FNDC3B: variants seen among roughly 807,000 people sequenced by gnomAD.
FNDC3B encodes fibronectin type III domain containing 3B.
Under a neutral mutation model 151.5 loss-of-function variants are expected in FNDC3B, and 12 were observed. The ratio of observed to expected loss-of-function variants is 0.08; its 90% CI spans 0.05 to 0.13. The LOEUF (loss-of-function observed/expected upper bound fraction) is 0.13. Among genes scored for constraint, FNDC3B ranks in the 10% least tolerant of loss-of-function variants. The probability of loss-of-function intolerance (pLI) is 1.00; values close to 1 mark genes in which losing one functional copy is unlikely to be tolerated. For missense variants in FNDC3B, 1,214 were observed against 1,505.3 expected, an observed-to-expected ratio of 0.81 and a Z score of 3.20; for synonymous variants, 528 against 549.0, an observed-to-expected ratio of 0.96 and a Z score of 0.54.
chr3:172,072,450 G>A (rs1184553352), intron 1 of FNDC3B, among the ~76,000 whole-genome samples: 1 of 151,886 alleles, frequency 6.6e-6, no homozygotes, highest in African/African-American at 2.4e-5. Context: ...GTTAATAAAG[G>A]TGAAATTTTT....
At chr3:172,378,033 A>G (rs1237371808) in intron 23 of FNDC3B, among the ~76,000 whole-genome samples, 1 of 152,200 alleles carries the variant, frequency 6.6e-6, no homozygotes, top group African/African-American at 2.4e-5. Flanking sequence ...CTAGATCCTA[A>G]TTAAAGGAGT....
chr3:172,104,168 CT>C (rs1192714447), intron 1 of FNDC3B, among the ~76,000 whole-genome samples: 1 of 151,992 alleles, frequency 6.6e-6, no homozygotes, highest in East Asian at 1.9e-4. Context: ...TTTTATGTGT[CT>C]TTTTTTAAGC....
intron 1 of FNDC3B, among the ~76,000 whole-genome samples, chr3:172,073,131 A>G (rs974087426): frequency 2.6e-5 from 4 of 152,130 alleles, no homozygotes; most frequent in African/African-American, 7.2e-5. Flanking sequence ...TTCTTTGTTG[A>G]TGGGATTGAA....
At chr3:172,165,985 A>G (rs1005166025) in intron 3 of FNDC3B, among the ~76,000 whole-genome samples, 1 of 152,186 alleles carries the variant, frequency 6.6e-6, no homozygotes, top group Non-Finnish European at 1.5e-5. Context: ...TTTTGAGAAT[A>G]TTTGTTTCCT....
At chr3:172,181,985 T>A (rs1576772003) in intron 3 of FNDC3B, among the ~76,000 whole-genome samples, 1 of 152,290 alleles carries the variant, frequency 6.6e-6, no homozygotes, top group Non-Finnish European at 1.5e-5. Context: ...CTGAGAATGA[T>A]GCAAAGCAGG....
At chr3:172,316,135 G>T (rs1333755005) in intron 11 of FNDC3B, among the ~76,000 whole-genome samples, 1 of 151,090 alleles carries the variant, frequency 6.6e-6, no homozygotes, top group African/African-American at 2.4e-5. Flanking sequence ...GGCCACTCGA[G>T]CAGCTGAGAT....
intron 3 of FNDC3B, among the ~76,000 whole-genome samples, chr3:172,205,563 TAGA>T (rs1471856471): frequency 4.6e-5 from 7 of 152,192 alleles, no homozygotes; most frequent in Non-Finnish European, 1.5e-5. Flanking sequence ...GAATTGAAGT[TAGA>T]GGAGGATGGC....
At chr3:172,149,049 A>G (rs1722077601) in intron 3 of FNDC3B, among the ~76,000 whole-genome samples, 1 of 152,216 alleles carries the variant, frequency 6.6e-6, no homozygotes, top group South Asian at 2.1e-4. Context: ...TGGATAATGT[A>G]TTTAGGAGAC....
intron 6 of FNDC3B, among the ~76,000 whole-genome samples, chr3:172,278,345 C>T (rs1485874935): frequency 6.6e-6 from 1 of 152,098 alleles, no homozygotes. Context: ...ACTTTAATTA[C>T]CTTTGTAAGT....
intron 23 of FNDC3B, among the ~76,000 whole-genome samples, chr3:172,371,967 A>G (rs1274759868): frequency 6.6e-6 from 1 of 152,220 alleles, no homozygotes; most frequent in Non-Finnish European, 1.5e-5. Context: ...TTTATGGAAC[A>G]TTTAATAAGT....
chr3:172,309,402 G>A (rs1731351986), intron 10 of FNDC3B, among the ~76,000 whole-genome samples: 1 of 152,128 alleles, frequency 6.6e-6, no homozygotes, highest in South Asian at 2.1e-4. Flanking sequence ...GGGACTAGTA[G>A]TGGGGTAGGA....
At chr3:172,363,648 G>A (rs1021511167) in intron 23 of FNDC3B, among the ~76,000 whole-genome samples, 2 of 152,188 alleles carry the variant, frequency 1.3e-5, no homozygotes, top group Non-Finnish European at 2.9e-5. Flanking sequence ...CAGGATAGAA[G>A]CATTTCTGTT....
At chr3:172,063,542 A>G (rs1370953352) in intron 1 of FNDC3B, among the ~76,000 whole-genome samples, 1 of 152,054 alleles carries the variant, frequency 6.6e-6, no homozygotes, top group African/African-American at 2.4e-5. Context: ...TCTTTCCCTT[A>G]CCAGGATTCT....
chr3:172,253,593 C>T (rs1728187590), intron 6 of FNDC3B, among the ~76,000 whole-genome samples: 2 of 152,174 alleles, frequency 1.3e-5, no homozygotes, highest in African/African-American at 4.8e-5. Flanking sequence ...TTTCCAGTGC[C>T]ACCTGATTAA....
intron 3 of FNDC3B, among the ~76,000 whole-genome samples, chr3:172,179,882 A>C (rs2108650792): frequency 1.4e-5 from 2 of 138,160 alleles, no homozygotes; most frequent in African/African-American, 5.1e-5. Context: ...AAAAAAAAAA[A>C]AAAGAGTGTA....
At chr3:172,080,418 G>GTAT (rs1271950977) in intron 1 of FNDC3B, among the ~76,000 whole-genome samples, 2 of 151,318 alleles carry the variant, frequency 1.3e-5, no homozygotes, top group East Asian at 3.9e-4. Flanking sequence ...CTGTAAGTAT[G>GTAT]TATTACCATG....
In FNDC3B at chr3:172,309,706, G is replaced by A. The variant is rs192897571; in HGVS notation, c.1201-1122G>A. Among the ~76,000 whole-genome samples the A allele has an allele frequency of 1.9e-3, 293 of 152,162 alleles. 4 individuals are homozygous for A. Among genetic ancestry groups the A allele is most frequent in the Non-Finnish European group, 2.6e-4 (18 of 68,008 alleles). ...TAACTACCATTTACTGGGCCCCTGA[G>A]GTTTTATTACTAACCATAATAGAGC... On this transcript the variant is annotated intron_variant, in intron 10 of 25. Transcript: ENST00000415807.
At chr3:172,102,852 A>C (rs1236318285) in intron 1 of FNDC3B, among the ~76,000 whole-genome samples, 3 of 152,224 alleles carry the variant, frequency 2.0e-5, no homozygotes, top group Non-Finnish European at 4.4e-5. Flanking sequence ...AGTTCTGTAG[A>C]CTTTTCTCTC....
intron 2 of FNDC3B, among the ~76,000 whole-genome samples, chr3:172,116,479 C>T (rs989817618): frequency 1.3e-5 from 2 of 152,166 alleles, no homozygotes; most frequent in African/African-American, 4.8e-5. Context: ...TTTTCTGTCT[C>T]TGTAGGTAGA....
Sources: allele counts gnomAD v4.1 joint callset (sites outside exome capture counted in the v4.1 genomes callset), GRCh38; gene constraint gnomAD v4.1.1; transcripts MANE v1.5; gene names NCBI Gene and HGNC (gene_info 2026-07-23, HGNC 2026-07-21).